The following DAB1 variants were observed in gnomAD, a reference collection of about 807,000 sequenced individuals.
DAB1 encodes DAB adaptor protein 1.
A neutral mutation model predicts 64.6 loss-of-function variants in DAB1; 15 were observed. The ratio of observed to expected loss-of-function variants is 0.23; its 90% confidence interval spans 0.16 to 0.36. The LOEUF (loss-of-function observed/expected upper bound fraction) is 0.36, where lower values mean the gene tolerates loss of function less well. DAB1 is among the 10% of genes least tolerant of loss of function. DAB1 has a pLI of 1.00. For synonymous variants in DAB1, 235 were observed against 251.9 expected (o/e 0.93, Z 0.64); for missense variants, 596 against 706.7 (o/e 0.84, Z 1.78).
chr1:57,636,639 G>A (rs565420977), intron 7 of DAB1, among the ~76,000 whole-genome samples: 6 of 152,324 alleles, frequency 3.9e-5, no homozygotes, highest in South Asian at 4.1e-4. Context: ...AAATGTGCTC[G>A]TGGGTGAGAT....
intron 4 of DAB1, among the ~76,000 whole-genome samples, chr1:58,176,979 T>TAA (rs772711760): frequency 1.6e-4 from 17 of 106,492 alleles, no homozygotes; most frequent in Non-Finnish European, 1.6e-4. Flanking sequence ...ACTGTCTCAA[T>TAA]AAAAAAAAAA....
At chr1:57,223,729 A>G (rs1667055918) in intron 2 of DAB1, among the ~76,000 whole-genome samples, 1 of 152,178 alleles carries the variant, frequency 6.6e-6, no homozygotes, top group South Asian at 2.1e-4. Flanking sequence ...CTTGGCAGCC[A>G]ACATAGGAAC....
At chr1:58,361,156 A>T (rs772224003) in intron 3 of DAB1, among the ~76,000 whole-genome samples, 21 of 152,190 alleles carry the variant, frequency 1.4e-4, no homozygotes, top group South Asian at 4.1e-4. Flanking sequence ...AGCTGCAAGG[A>T]GGGAGACCAT....
rs374692337 is a variant in DAB1 at position 57,096,074 on chromosome 1, G to A, written c.307-23660C>T. Among the ~76,000 whole-genome samples the A allele has an allele frequency of 1.1e-4, 16 of 152,250 alleles. No homozygotes were observed. The East Asian group carries it at 1.5e-3, about 15-fold the overall frequency. On this transcript the variant is annotated intron_variant, in intron 4 of 14. Transcript: ENST00000371236. Reference sequence around the variant, plus strand: ...AACTTTGATGCATTTTCTCATTTGAGCCTCATCATAAGCCTTTTGGATCAT... The same window carrying A: ...AACTTTGATGCATTTTCTCATTTGAACCTCATCATAAGCCTTTTGGATCAT...
rs999714908 is a variant in DAB1 at position 57,694,299 on chromosome 1, T to C, written n.552-44634A>G. On this transcript the variant is annotated intron_variant and non_coding_transcript_variant, in intron 6 of 20. Coordinates refer to the DAB1 transcript ENST00000485760. ...AATGTGGGTTGAAGGCTGAGCTTAG[T>C]AATGGCAGTATCTTAGAAAACTGGG... Among the ~76,000 whole-genome samples, 8 of 152,110 alleles carry C rather than the reference T, an allele frequency of 5.3e-5. No homozygotes were observed. In the South Asian group the frequency reaches 1.5e-3, roughly 28 times the overall value.
chr1:57,528,811 A>G (rs1644626720), intron 7 of DAB1, among the ~76,000 whole-genome samples: 1 of 152,064 alleles, frequency 6.6e-6, no homozygotes, highest in Non-Finnish European at 1.5e-5. Context: ...AAAATTCTCT[A>G]TTTCAGTAAA....
At chr1:57,132,301 G>A (rs903614702) in intron 4 of DAB1, among the ~76,000 whole-genome samples, 1 of 152,166 alleles carries the variant, frequency 6.6e-6, no homozygotes, top group African/African-American at 2.4e-5. Context: ...AGGCATAGCA[G>A]GTAGGAGGTG....
chr1:57,631,738 C>T (rs146658271), intron 7 of DAB1, among the ~76,000 whole-genome samples: 1 of 152,200 alleles, frequency 6.6e-6, no homozygotes, highest in Admixed American at 6.5e-5. Flanking sequence ...GTTACCTTGC[C>T]GCAGCACTGC....
chr1:58,014,540 G>A (rs1001315872), intron 5 of DAB1, among the ~76,000 whole-genome samples: 7 of 152,102 alleles, frequency 4.6e-5, no homozygotes, highest in Non-Finnish European at 8.8e-5. Flanking sequence ...TTGGGCCCTC[G>A]GTCTTCCACC....
intron 4 of DAB1, among the ~76,000 whole-genome samples, chr1:58,330,290 A>C (rs1414147000): frequency 6.6e-6 from 1 of 152,252 alleles, no homozygotes; most frequent in Non-Finnish European, 1.5e-5. Context: ...CCTCAATTCT[A>C]TGAAGGCTGA....
chr1:57,458,480 A>G (rs993630858), intron 7 of DAB1, among the ~76,000 whole-genome samples: 6 of 125,122 alleles, frequency 4.8e-5, no homozygotes, highest in Non-Finnish European at 8.1e-5. Context: ...CCTATTTGAG[A>G]AAAAAAAAAA....
At chr1:57,284,825 A>G (rs1409808721) in intron 2 of DAB1, among the ~76,000 whole-genome samples, 1 of 152,174 alleles carries the variant, frequency 6.6e-6, no homozygotes, top group Non-Finnish European at 1.5e-5. Context: ...TGAGTGTGAC[A>G]TTACTGAAAC....
chr1:58,267,293 T>C (rs1661193738), intron 4 of DAB1, among the ~76,000 whole-genome samples: 1 of 152,194 alleles, frequency 6.6e-6, no homozygotes, highest in Non-Finnish European at 1.5e-5. Context: ...ACTAAAATCT[T>C]GAAGGAGTAT....
chr1:57,635,303 C>G (rs936408996), intron 7 of DAB1, among the ~76,000 whole-genome samples: 1 of 152,152 alleles, frequency 6.6e-6, no homozygotes, highest in African/African-American at 2.4e-5. Context: ...GGTACCAGTT[C>G]ATGGTGTGTT....
chr1:57,250,702 T>A (rs1246559540), intron 2 of DAB1, among the ~76,000 whole-genome samples: 1 of 152,236 alleles, frequency 6.6e-6, no homozygotes, highest in Non-Finnish European at 1.5e-5. Context: ...ACACCTAAGA[T>A]TTGCTCACCA....
At chr1:57,252,233 C>CA (rs952335668) in intron 2 of DAB1, among the ~76,000 whole-genome samples, 1 of 152,152 alleles carries the variant, frequency 6.6e-6, no homozygotes, top group African/African-American at 2.4e-5. Context: ...ATCTGGCCCA[C>CA]AGCCTATATT....
At chr1:57,422,147 C>T (rs1684963040) in intron 1 of DAB1, among the ~76,000 whole-genome samples, 1 of 152,144 alleles carries the variant, frequency 6.6e-6, no homozygotes, top group African/African-American at 2.4e-5. Context: ...CGTAAGCCAC[C>T]TTTAATTTAA....
At chr1:58,077,718 A>G (rs1224117598) in intron 5 of DAB1, among the ~76,000 whole-genome samples, 2 of 152,182 alleles carry the variant, frequency 1.3e-5, no homozygotes, top group African/African-American at 4.8e-5. Context: ...CTTTTCCAGG[A>G]GAAAGGAGAA....
intron 6 of DAB1, among the ~76,000 whole-genome samples, chr1:57,750,414 A>T (rs1648499343): frequency 1.3e-5 from 2 of 152,176 alleles, no homozygotes; most frequent in African/African-American, 4.8e-5. Context: ...CACAGATCAC[A>T]GACCTTTCAT....
Sources: allele counts gnomAD v4.1 joint callset (sites outside exome capture counted in the v4.1 genomes callset), GRCh38; gene constraint gnomAD v4.1.1; transcripts MANE v1.5; gene names NCBI Gene and HGNC (gene_info 2026-07-23, HGNC 2026-07-21).